Variants in DAB1 observed in about 807,000 individuals in gnomAD.
DAB1 encodes disabled homolog 1.
A neutral mutation model predicts 64.6 loss-of-function variants in DAB1; 15 were observed. The ratio of observed to expected loss-of-function variants is 0.23; its 90% CI spans 0.16 to 0.36. DAB1 has a LOEUF of 0.36. DAB1 is among the 10% of genes least tolerant of loss of function. The pLI is 1.00. For synonymous variants in DAB1, 235 were observed against 251.9 expected (o/e 0.93, Z 0.64); for missense variants, 596 against 706.7 (o/e 0.84, Z 1.78).
chr1:57,452,163 C>CA (rs1432054998), intron 7 of DAB1, among the ~76,000 whole-genome samples: 9 of 100,136 alleles, frequency 9.0e-5, no homozygotes, highest in South Asian at 7.6e-4. Context: ...CTCTGCACCC[C>CA]CCCTTTTTTT....
chr1:58,331,115 T>C (rs1662959031), intron 4 of DAB1, among the ~76,000 whole-genome samples: 1 of 152,166 alleles, frequency 6.6e-6, no homozygotes, highest in African/African-American at 2.4e-5. Context: ...GGGAGGAAGG[T>C]CAAACTATCA....
At chr1:57,619,851 A>AG (rs1438080354) in intron 7 of DAB1, among the ~76,000 whole-genome samples, 1 of 152,004 alleles carries the variant, frequency 6.6e-6, no homozygotes, top group Non-Finnish European at 1.5e-5. Flanking sequence ...CAAGGAGGGG[A>AG]GGGGTCAACT....
chr1:57,541,966 C>A (rs1379481555), intron 7 of DAB1, among the ~76,000 whole-genome samples: 1 of 150,402 alleles, frequency 6.6e-6, no homozygotes, highest in Non-Finnish European at 1.5e-5. Context: ...GGAGATGGAT[C>A]AGAGGACATC....
chr1:57,558,693 G>A (rs1332088996), intron 7 of DAB1, among the ~76,000 whole-genome samples: 2 of 152,104 alleles, frequency 1.3e-5, no homozygotes, highest in African/African-American at 2.4e-5. Context: ...TTGCAGCTTG[G>A]GGAGTTAAAA....
chr1:57,382,180 T>C (rs1681438185), intron 1 of DAB1, among the ~76,000 whole-genome samples: 1 of 152,126 alleles, frequency 6.6e-6, no homozygotes, highest in South Asian at 2.1e-4. Context: ...GGAAGATCAA[T>C]AGCAAACCAA....
chr1:57,941,427 C>T (rs1306989924), intron 5 of DAB1, among the ~76,000 whole-genome samples: 2 of 152,190 alleles, frequency 1.3e-5, no homozygotes, highest in African/African-American at 4.8e-5. Context: ...ATATTAATAA[C>T]AATCCTATCT....
intron 1 of DAB1, among the ~76,000 whole-genome samples, chr1:57,409,090 A>C (rs1329826073): frequency 6.6e-6 from 1 of 152,012 alleles, no homozygotes; most frequent in Non-Finnish European, 1.5e-5. Flanking sequence ...AGACTCTTCT[A>C]TGCTTCCGGC....
At chr1:58,131,324 C>T (rs1036535328) in intron 5 of DAB1, among the ~76,000 whole-genome samples, 1 of 140,108 alleles carries the variant, frequency 7.1e-6, no homozygotes, top group Non-Finnish European at 1.6e-5. Flanking sequence ...CCTTTAAGCA[C>T]TTCTCTCTAT....
intron 6 of DAB1, among the ~76,000 whole-genome samples, chr1:57,690,944 T>C (rs898642809): frequency 1.3e-5 from 2 of 152,212 alleles, no homozygotes; most frequent in Non-Finnish European, 2.9e-5. Context: ...TGCATCTTCT[T>C]TTGAGAAGTG....
At chr1:57,728,636 A>C (rs750849613) in intron 6 of DAB1, among the ~76,000 whole-genome samples, 1 of 152,200 alleles carries the variant, frequency 6.6e-6, no homozygotes, top group East Asian at 1.9e-4. Flanking sequence ...CTGAGATGTG[A>C]TATCAGTGGT....
intron 2 of DAB1, among the ~76,000 whole-genome samples, chr1:58,521,061 AC>A (rs781089921): frequency 4.6e-5 from 7 of 152,212 alleles, no homozygotes; most frequent in African/African-American, 9.6e-5. Context: ...GCAAGACCCA[AC>A]CCTTTTCAAA....
chr1:57,868,036 AG>A (rs1276148222), intron 1 of DAB1, among the ~76,000 whole-genome samples: 1 of 152,182 alleles, frequency 6.6e-6, no homozygotes, highest in Non-Finnish European at 1.5e-5. Flanking sequence ...TTAACTTAGT[AG>A]AAAAGCTCCA....
At chr1:58,380,392 C>T (rs1339081810) in intron 3 of DAB1, among the ~76,000 whole-genome samples, 1 of 152,094 alleles carries the variant, frequency 6.6e-6, no homozygotes, top group African/African-American at 2.4e-5. Flanking sequence ...TTCCTAAGGC[C>T]TCCCCAGCCA....
intron 5 of DAB1, among the ~76,000 whole-genome samples, chr1:58,007,595 T>C (rs1420914751): frequency 6.6e-6 from 1 of 152,210 alleles, no homozygotes; most frequent in Non-Finnish European, 1.5e-5. Context: ...TTTGGCATCA[T>C]CCTTCCAGGA....
In DAB1 at chr1:58,467,442, T is replaced by C. The variant is rs79380723; in HGVS notation, n.257+38618A>G. ...CCCCGTTTTCTCTTCTCCTGATTAT[T>C]AAAAACATAATAAACATATATTGCT... On this transcript the variant is annotated intron_variant and non_coding_transcript_variant, in intron 3 of 20. Coordinates refer to the DAB1 transcript ENST00000485760. Among the ~76,000 whole-genome samples the C allele has an allele frequency of 1.1e-3, 172 of 152,358 alleles. 3 individuals are homozygous for C. The East Asian group carries it at 0.027, about 24-fold the overall frequency.
At chr1:57,837,919 A>G (rs1005163568) in intron 1 of DAB1, among the ~76,000 whole-genome samples, 6 of 151,652 alleles carry the variant, frequency 4.0e-5, no homozygotes, top group African/African-American at 1.5e-4. Context: ...TAATATCATT[A>G]TCACTTCCAT....
intron 3 of DAB1, among the ~76,000 whole-genome samples, chr1:58,448,098 C>T (rs574205989): frequency 6.6e-6 from 1 of 152,204 alleles, no homozygotes; most frequent in Admixed American, 6.5e-5. Context: ...TGTTTCTTTC[C>T]CTGAGGCTCC....
At chr1:56,998,622 C>T (rs1645725034) in intron 14 of DAB1, among the ~76,000 whole-genome samples, 1 of 152,230 alleles carries the variant, frequency 6.6e-6, no homozygotes, top group Admixed American at 6.5e-5. Flanking sequence ...TAAATGTCCA[C>T]TTGAGAACCC....
chr1:57,374,442 G>A (rs1176827917), intron 1 of DAB1, among the ~76,000 whole-genome samples: 1 of 152,174 alleles, frequency 6.6e-6, no homozygotes, highest in African/African-American at 2.4e-5. Flanking sequence ...TTTTATGGAA[G>A]TGAATCATTT....
Sources: allele counts gnomAD v4.1 joint callset (sites outside exome capture counted in the v4.1 genomes callset), GRCh38; gene constraint gnomAD v4.1.1; transcripts MANE v1.5; gene names NCBI Gene and HGNC (gene_info 2026-07-23, HGNC 2026-07-21).